Variants in OSBPL9 observed in about 807,000 individuals in gnomAD.
OSBPL9 encodes the protein oxysterol-binding protein-related protein 9.
OSBPL9 carries 40 observed loss-of-function variants against 106.6 expected under a neutral mutation model. The observed-to-expected ratio is 0.38, with a 90% CI of 0.29 to 0.49. The LOEUF is 0.49. OSBPL9 is among the 20% of genes least tolerant of loss of function. The pLI is 0.97. For missense variants in OSBPL9, 609 were observed against 887.2 expected, an observed-to-expected ratio of 0.69 and a Z score of 3.98; for synonymous variants, 269 against 295.4, an observed-to-expected ratio of 0.91 and a Z score of 0.92.
At chr1:51,675,902 T>C (rs1291176289) in intron 3 of OSBPL9, among the ~76,000 whole-genome samples, 1 of 152,162 alleles carries the variant, frequency 6.6e-6, no homozygotes, top group Non-Finnish European at 1.5e-5. Flanking sequence ...TTTTATGAGT[T>C]TTAACTGAAT....
At chr1:51,686,316 G>T (rs1301155846) in intron 3 of OSBPL9, among the ~76,000 whole-genome samples, 2 of 152,158 alleles carry the variant, frequency 1.3e-5, no homozygotes, top group Admixed American at 1.3e-4. Context: ...TGTCACACAT[G>T]TAGGAAGTGG....
intron 2 of OSBPL9, among the ~76,000 whole-genome samples, chr1:51,599,146 G>A (rs1645316060): frequency 1.3e-5 from 2 of 152,248 alleles, no homozygotes; most frequent in South Asian, 2.1e-4. Flanking sequence ...CCAGGAGGTC[G>A]AGGCTGCAGT....
At chr1:51,762,437 A>G (rs1018431750) in intron 11 of OSBPL9, among the ~76,000 whole-genome samples, 6 of 152,200 alleles carry the variant, frequency 3.9e-5, no homozygotes, top group Non-Finnish European at 8.8e-5. Flanking sequence ...TGCTGGGATT[A>G]TACAAGCATG....
chr1:51,548,901 A>G, the OSBPL9 span, among the ~76,000 whole-genome samples: 3 of 152,220 alleles, frequency 2.0e-5, no homozygotes, highest in African/African-American at 7.2e-5. Flanking sequence ...ATCAGAGCAG[A>G]CATTTATAGT....
At chr1:51,572,446 G>C (rs1557571117), upstream of OSBPL9, among the ~76,000 whole-genome samples, 1 of 152,142 alleles carries the variant, frequency 6.6e-6, no homozygotes. Flanking sequence ...GTAAGTCATG[G>C]GAGTTAGCCC....
At chr1:51,691,277 T>C (rs1654897692) in intron 3 of OSBPL9, among the ~76,000 whole-genome samples, 2 of 142,622 alleles carry the variant, frequency 1.4e-5, no homozygotes, top group Admixed American at 1.4e-4. Context: ...CTGTAACTTT[T>C]TTTTTTTTTT....
At chr1:51,656,770 C>G (rs1399931052) in intron 2 of OSBPL9, among the ~76,000 whole-genome samples, 1 of 152,042 alleles carries the variant, frequency 6.6e-6, no homozygotes, top group African/African-American at 2.4e-5. Flanking sequence ...AGCAATCCTC[C>G]TGCCTCAACC....
chr1:51,680,726 T>A (rs1170653608), intron 3 of OSBPL9, among the ~76,000 whole-genome samples: 1 of 152,106 alleles, frequency 6.6e-6, no homozygotes, highest in Non-Finnish European at 1.5e-5. Flanking sequence ...AAATAATATA[T>A]TTAGCCACTC....
chr1:51,616,386 C>T (rs1291777713), upstream of OSBPL9, among the ~76,000 whole-genome samples: 3 of 152,202 alleles, frequency 2.0e-5, no homozygotes, highest in Non-Finnish European at 4.4e-5. Flanking sequence ...TCCACGCACA[C>T]TGACCTCCTT....
intron 3 of OSBPL9, among the ~76,000 whole-genome samples, chr1:51,703,452 T>C (rs763503713): frequency 6.6e-6 from 1 of 152,228 alleles, no homozygotes; most frequent in Admixed American, 6.5e-5. Flanking sequence ...TTGTCTGTTA[T>C]TGGTGTATAA....
At chr1:51,520,458 C>T in the OSBPL9 span, among the ~76,000 whole-genome samples, 2 of 152,204 alleles carry the variant, frequency 1.3e-5, no homozygotes, top group African/African-American at 2.4e-5. Context: ...TATCTGTAAG[C>T]GTTAGTTGAG....
chr1:51,653,625 C>T (rs1023619383), intron 2 of OSBPL9, among the ~76,000 whole-genome samples: 2 of 152,096 alleles, frequency 1.3e-5, no homozygotes, highest in African/African-American at 4.8e-5. Context: ...CTTTTTTACC[C>T]AAATGTGTAT....
At chr1:51,771,160 GAAGTT>G (rs934408210) in intron 12 of OSBPL9, among the ~76,000 whole-genome samples, 45 of 152,252 alleles carry the variant, frequency 3.0e-4, no homozygotes, top group South Asian at 1.2e-3. Flanking sequence ...AAAATTAAAA[GAAGTT>G]AAGTAACAAG....
At chr1:51,569,258 G>A in the OSBPL9 span, among the ~76,000 whole-genome samples, 10 of 152,300 alleles carry the variant, frequency 6.6e-5, no homozygotes, top group East Asian at 3.9e-4. Context: ...GAGGGTCTAC[G>A]TAGCTGATGA....
chr1:51,788,156 A>G lies in OSBPL9; in HGVS notation c.*367A>G. 1 of 174,074 alleles carries G rather than the reference A, an allele frequency of 5.7e-6. No homozygotes were observed. Among genetic ancestry groups the G allele is most frequent in the East Asian group, 1.5e-4 (1 of 6,510 alleles). The allele number at this position is 174,074 out of a possible 1,614,324, so 10.8% of individuals were successfully genotyped here. A position where few individuals can be genotyped will look rare whatever the true frequency, so the allele number is the denominator to read the frequency against. On this transcript the variant is annotated 3_prime_UTR_variant, in exon 24 of 24. Coordinates refer to ENST00000428468, the MANE Select transcript of OSBPL9 (RefSeq NM_024586.6). ...TTCTTAGTTCATATAATCTCGGGATACACACACACACACACATATATATAC... is the reference window on the plus strand; with the variant it reads ...TTCTTAGTTCATATAATCTCGGGATGCACACACACACACACATATATATAC...
chr1:51,701,914 T>TG (rs1657362594), intron 3 of OSBPL9, among the ~76,000 whole-genome samples: 1 of 152,154 alleles, frequency 6.6e-6, no homozygotes, highest in African/African-American at 2.4e-5. Flanking sequence ...TTTTTGTCCT[T>TG]GCGATAGTTT....
In OSBPL9 at chr1:51,787,920, G is replaced by A; in HGVS notation, c.*131G>A. On this transcript the variant is annotated 3_prime_UTR_variant, in exon 24 of 24. Coordinates refer to ENST00000428468, the MANE Select transcript of OSBPL9 (RefSeq NM_024586.6). ...CAGTGGTTCCTATCTCAGGGATACTGGACTTTCTGACGCAGATGAACAATT... is the reference window on the plus strand; with the variant it reads ...CAGTGGTTCCTATCTCAGGGATACTAGACTTTCTGACGCAGATGAACAATT... 1 of 785,206 alleles carries A rather than the reference G, an allele frequency of 1.3e-6. No individual in the cohort carries two copies. The highest frequency in any genetic ancestry group is 2.1e-6 in the Non-Finnish European group (1 of 483,804). The allele number at this position is 785,206 out of a possible 1,614,324, so 48.6% of individuals were successfully genotyped here.
chr1:51,685,622 T>C (rs1465276272), intron 3 of OSBPL9, among the ~76,000 whole-genome samples: 2 of 152,328 alleles, frequency 1.3e-5, no homozygotes, highest in African/African-American at 4.8e-5. Context: ...GGTCTCGAAC[T>C]CCTGACCTCA....
intron 3 of OSBPL9, among the ~76,000 whole-genome samples, chr1:51,706,200 A>G (rs1250374372): frequency 1.3e-5 from 2 of 152,142 alleles, no homozygotes; most frequent in African/African-American, 4.8e-5. Context: ...TCTTTATGAG[A>G]TGATTTTCAA....
Sources: allele counts gnomAD v4.1 joint callset (sites outside exome capture counted in the v4.1 genomes callset), GRCh38; gene constraint gnomAD v4.1.1; transcripts MANE v1.5; gene names NCBI Gene and HGNC (gene_info 2026-07-23, HGNC 2026-07-21).